GMEB1: variants seen among roughly 807,000 people sequenced by gnomAD.
GMEB1 encodes the protein glucocorticoid modulatory element-binding protein 1.
In GMEB1, 6 loss-of-function variants were observed where a neutral mutation model predicts 52.4. The observed-to-expected ratio is 0.11, with a 90% CI of 0.06 to 0.23. The LOEUF (loss-of-function observed/expected upper bound fraction) is 0.23. GMEB1 is among the 10% of genes least tolerant of loss of function. GMEB1 has a pLI of 1.00. For synonymous variants in GMEB1, 255 were observed against 244.9 expected (o/e 1.04, Z -0.38); for missense variants, 486 against 685.6 (o/e 0.71, Z 3.25).
Position 28,702,636 on chromosome 1 carries a change from A to G in GMEB1, c.730+67A>G. On this transcript the variant is annotated intron_variant, in intron 7 of 9. Transcript: ENST00000373816. ...AGCCTTATCACCATTATCATTATGG[A>G]CACGGAAGACCTCTTAATTACTTTC... 2.8e-6 allele frequency: 4 copies of G among 1,409,464 alleles called. No individual in the cohort carries two copies. In the South Asian group the frequency reaches 4.8e-5, roughly 17 times the overall value. The allele number at this position is 1,409,464 out of a possible 1,614,324, so 87.3% of individuals were successfully genotyped here. A position where few individuals can be genotyped will look rare whatever the true frequency, so the allele number is the denominator to read the frequency against.
chr1:28,702,443 A>C lies in GMEB1; in HGVS notation c.604A>C (p.Ile202Leu), dbSNP rs543122910. 1 of 1,613,578 alleles carries C rather than the reference A, an allele frequency of 6.2e-7. No individual in the cohort carries two copies. The highest frequency in any genetic ancestry group is 8.5e-7 in the Non-Finnish European group (1 of 1,179,626). ...CTCTACTGGACTGTTTTTAGGTAGC[A>C]TCACGCAGATTGCCATCTCAGAAGA... is the stretch of plus-strand genomic sequence containing the variant. ...VQTPTSADGS[I>L]TQIAISEESM... The change falls in exon 7 of 10, where the codon ATC becomes CTC. Residue 202 changes from isoleucine (I) to leucine (L), a missense_variant. Coordinates refer to ENST00000373816, the MANE Select transcript of GMEB1 (RefSeq NM_001319674.2).
chr1:28,691,387 A>G (rs904811107), intron 3 of GMEB1, among the ~76,000 whole-genome samples, 198 bp from the exon 4 acceptor site: 5 of 152,172 alleles, frequency 3.3e-5, no homozygotes, highest in Admixed American at 6.6e-5. Flanking sequence ...TGTGTAAAAT[A>G]CATAGTATGG....
In GMEB1 at chr1:28,718,472, A is replaced by G. The variant is rs899668940; in HGVS notation, c.*3699A>G. 2 of 152,184 alleles carry G rather than the reference A, an allele frequency of 1.3e-5. No individual in the cohort carries two copies. The highest frequency in any genetic ancestry group is 2.9e-5 in the Non-Finnish European group (2 of 68,040). 9.4% of individuals were successfully genotyped at this position (152,184 alleles called of 1,614,324 possible). ...AAATTAGTCAAGTCTTGTGGCTCGCACTTGTAGACACAATTACTCAGGATG... is the reference window on the plus strand; with the variant it reads ...AAATTAGTCAAGTCTTGTGGCTCGCGCTTGTAGACACAATTACTCAGGATG... On this transcript the variant is annotated 3_prime_UTR_variant, in exon 10 of 10. Transcript: ENST00000373816.
intron 1 of GMEB1, among the ~76,000 whole-genome samples, chr1:28,682,736 C>T (rs1040575876): frequency 1.3e-5 from 2 of 152,008 alleles, no homozygotes; most frequent in East Asian, 1.9e-4. Flanking sequence ...CAGTCTCCCT[C>T]CACAGATACT....
intron 6 of GMEB1, among the ~76,000 whole-genome samples, chr1:28,697,319 C>T (rs1411663020): frequency 6.6e-6 from 1 of 151,724 alleles, no homozygotes; most frequent in African/African-American, 2.4e-5. Context: ...AGCGATTCTC[C>T]TGCCTCAGCC....
rs1557511786 is a variant in GMEB1, at chr1:28,695,974, A to AAAAAAAAAAAAAAAAAAT, written c.441-953_441-952insAAAAAAAAAAAAAAAAAT. 1.7e-5 allele frequency among the ~76,000 whole-genome samples: 2 copies of AAAAAAAAAAAAAAAAAAT among 117,702 alleles called. 1 individual carries two copies. 77.2% of individuals were successfully genotyped at this position (117,702 alleles called of 152,430 possible). A position where few individuals can be genotyped will look rare whatever the true frequency, so the allele number is the denominator to read the frequency against. ...AAAAAAAAAAAAAAAAAAAAAAAAA[A>AAAAAAAAAAAAAAAAAAT]TTTTCAGATGATTTGTATGCAGAAA... On this transcript the variant is annotated intron_variant, in intron 5 of 9. Transcript: ENST00000373816.
Position 28,714,506 on chromosome 1 carries a change from G to T in GMEB1, c.1425G>T (p.Leu475=). 6.2e-7 allele frequency: 1 copy of T among 1,614,164 alleles called. No individual in the cohort carries two copies. Among genetic ancestry groups the T allele is most frequent in the South Asian group, 1.1e-5 (1 of 91,080 alleles). ...SSTAMQDGST[L]GNMTTMVSPV... Reference sequence around the variant, plus strand: ...CTGCCATGCAGGATGGGAGTACACTGGGCAACATGACCACCATGGTTAGCC... The same window carrying T: ...CTGCCATGCAGGATGGGAGTACACTTGGCAACATGACCACCATGGTTAGCC... The change falls in exon 10 of 10, where the codon CTG becomes CTT. Residue 475 remains leucine (L), a synonymous_variant. Transcript: ENST00000373816.
At chr1:28,711,545 C>T (rs1425713331) in intron 9 of GMEB1, among the ~76,000 whole-genome samples, 2 of 152,094 alleles carry the variant, frequency 1.3e-5, no homozygotes, top group African/African-American at 4.8e-5. Flanking sequence ...CTTTGACCTT[C>T]CCCGAGCTCA....
At chr1:28,698,231 T>C (rs770883854) in intron 6 of GMEB1, among the ~76,000 whole-genome samples, 1 of 151,770 alleles carries the variant, frequency 6.6e-6, no homozygotes, top group African/African-American at 2.4e-5. Context: ...TAGCCAGACA[T>C]GGTGGCGTGC....
intron 1 of GMEB1, among the ~76,000 whole-genome samples, chr1:28,679,072 G>T (rs1669282716): frequency 6.6e-6 from 1 of 151,922 alleles, no homozygotes; most frequent in Non-Finnish European, 1.5e-5. Flanking sequence ...ATTTTTAGCA[G>T]AGACGGTTTC....
rs1430877368 is a variant in GMEB1, at chr1:28,710,603, G to A, written c.952G>A (p.Val318Ile). ...KKVLDNRRNQVEQGEEQFLYT... is the reference protein window; with the variant it reads ...KKVLDNRRNQIEQGEEQFLYT... The stretch of plus-strand genomic sequence containing the variant: ...GGTTTTAGACAACAGAAGGAACCAA[G>A]TAGAGCAGGGAGAAGAACAGTTTCT... Residue 318 changes from valine (V) to isoleucine (I), a missense_variant, in exon 9 of 10, where the codon GTA (valine) becomes ATA (isoleucine). Physicochemically the swap from Val to Ile is conservative, Grantham distance 29. Around this residue, in one of 5 missense-constraint regions of GMEB1, gnomAD observed 200 missense variants for 253.5 expected, o/e 0.79. Coordinates refer to ENST00000373816, the MANE Select transcript of GMEB1 (RefSeq NM_001319674.2). 1 of 1,608,572 alleles carries A rather than the reference G, an allele frequency of 6.2e-7. No homozygotes were observed. Among genetic ancestry groups the A allele is most frequent in the Non-Finnish European group, 8.5e-7 (1 of 1,177,004 alleles).
intron 1 of GMEB1, among the ~76,000 whole-genome samples, chr1:28,669,952 G>A (rs554296550): frequency 4.6e-5 from 7 of 152,100 alleles, no homozygotes; most frequent in Non-Finnish European, 8.8e-5. Context: ...CAGAGCAGGC[G>A]CAGCCCTGGA....
rs139063921 is a variant in GMEB1, at chr1:28,714,467, G to A, written c.1386G>A (p.Ala462=). The A allele has an allele frequency of 1.5e-5, 25 of 1,614,182 alleles. No homozygotes were observed. The highest frequency in any genetic ancestry group is 1.6e-4 in the Middle Eastern group (1 of 6,062). Residue 462 remains alanine, a synonymous_variant, in exon 10 of 10, where the codon GCG becomes GCA. Coordinates refer to ENST00000373816, the MANE Select transcript of GMEB1 (RefSeq NM_001319674.2). ...CCATCCACCCTTCATCTAGCTTGGC[G>A]CTGCTGAGCTCTACTGCCATGCAGG... The part of the protein sequence containing the change: ...TVTIHPSSSL[A]LLSSTAMQDG...
At chr1:28,698,432 T>G (rs1391827956) in intron 6 of GMEB1, among the ~76,000 whole-genome samples, 1 of 151,028 alleles carries the variant, frequency 6.6e-6, no homozygotes, top group African/African-American at 2.4e-5. Context: ...TCCCAGCACT[T>G]TGGGAGGCCA....
chr1:28,706,544 C>T lies in GMEB1; in HGVS notation c.868+2215C>T, dbSNP rs543614318. Among the ~76,000 whole-genome samples the T allele has an allele frequency of 1.2e-4, 18 of 145,116 alleles. No individual in the cohort carries two copies. The South Asian group carries it at 3.7e-3, about 30-fold the overall frequency. On this transcript the variant is annotated intron_variant, in intron 8 of 9. Transcript: ENST00000373816. The stretch of plus-strand genomic sequence containing the variant: ...GCTTGAACCCGGCAGGTGGAGGTGG[C>T]AGTGAGTGGAGATCACACCATTGCG...
At chr1:28,712,542 C>T (rs764561879) in intron 9 of GMEB1, among the ~76,000 whole-genome samples, 12 of 152,216 alleles carry the variant, frequency 7.9e-5, no homozygotes, top group Middle Eastern at 3.4e-3. Flanking sequence ...ACATTTATGC[C>T]GGGCGCAGTG....
At chr1:28,696,266 C>T (rs1394088151) in intron 5 of GMEB1, among the ~76,000 whole-genome samples, 1 of 151,862 alleles carries the variant, frequency 6.6e-6, no homozygotes, top group Admixed American at 6.6e-5. Flanking sequence ...GTGGTTTCAC[C>T]ATGTTGGACA....
intron 6 of GMEB1, 27 bp downstream of exon 6, chr1:28,697,111 C>G (rs1406195890): frequency 6.6e-7 from 1 of 1,506,380 alleles, no homozygotes; most frequent in East Asian, 2.5e-5. Flanking sequence ...CACCTGAAAA[C>G]CCATTGTGTT....
intron 2 of GMEB1, among the ~76,000 whole-genome samples, chr1:28,685,345 C>T (rs1385332109): frequency 6.6e-6 from 1 of 151,824 alleles, no homozygotes; most frequent in Non-Finnish European, 1.5e-5. Flanking sequence ...AAGCAGCTGG[C>T]ACTACAGGCT....
Sources: allele counts gnomAD v4.1 joint callset (sites outside exome capture counted in the v4.1 genomes callset), GRCh38; gene constraint gnomAD v4.1.1; regional missense constraint gnomAD v4.1.1; transcripts MANE v1.5; gene names NCBI Gene and HGNC (gene_info 2026-07-23, HGNC 2026-07-21).